Variants in MCTP2 observed in about 807,000 individuals in gnomAD.
MCTP2 encodes the protein multiple C2 and transmembrane domain-containing protein 2.
In MCTP2, 132 loss-of-function variants were observed where a neutral mutation model predicts 111.6. That is an observed-to-expected ratio of 1.18 (90% CI 1.03 to 1.37). MCTP2 has a LOEUF of 1.37. MCTP2 is among the 40% of genes most tolerant of loss of function. The probability of loss-of-function intolerance (pLI) is 0.00; values close to 1 mark genes in which losing one functional copy is unlikely to be tolerated. For synonymous variants in MCTP2, 395 were observed against 387.7 expected, an observed-to-expected ratio of 1.02 and a Z score of -0.22; for missense variants, 1,183 against 1,067.9, an observed-to-expected ratio of 1.11 and a Z score of -1.50.
intron 1 of MCTP2, among the ~76,000 whole-genome samples, chr15:94,241,760 TAC>T (rs1317856071): frequency 3.3e-5 from 5 of 152,052 alleles, no homozygotes; most frequent in Non-Finnish European, 5.9e-5. Context: ...TAGGCACAAT[TAC>T]AGTTTCCTAA....
intron 1 of MCTP2, among the ~76,000 whole-genome samples, chr15:94,297,420 G>A (rs938834248): frequency 6.6e-6 from 1 of 152,048 alleles, no homozygotes; most frequent in Non-Finnish European, 1.5e-5. Flanking sequence ...GCTTCATTAT[G>A]GGAATTTTGT....
At chr15:94,463,883 G>A (rs557118480) in intron 20 of MCTP2, among the ~76,000 whole-genome samples, 82 of 151,844 alleles carry the variant, frequency 5.4e-4, no homozygotes, top group Non-Finnish European at 1.0e-3. Flanking sequence ...TATTTTGATT[G>A]GTTTTCAAAT....
At chr15:94,478,641 T>G (rs548745065) in intron 22 of MCTP2, among the ~76,000 whole-genome samples, 2 of 152,210 alleles carry the variant, frequency 1.3e-5, no homozygotes, top group Non-Finnish European at 2.9e-5. Context: ...AAGATAAACA[T>G]TCCCAAGAGG....
At chr15:94,262,238 T>C (rs761326070) in intron 1 of MCTP2, among the ~76,000 whole-genome samples, 14 of 152,244 alleles carry the variant, frequency 9.2e-5, no homozygotes, top group Non-Finnish European at 1.8e-4. Context: ...TAACATTTCA[T>C]GATGCCTTTT....
At chr15:94,245,055 T>C (rs527445388) in intron 1 of MCTP2, among the ~76,000 whole-genome samples, 3 of 150,024 alleles carry the variant, frequency 2.0e-5, no homozygotes, top group African/African-American at 7.3e-5. Context: ...TGTATACACA[T>C]ACATATGTAC....
intron 10 of MCTP2, among the ~76,000 whole-genome samples, chr15:94,363,408 C>T (rs149235474): frequency 2.0e-5 from 3 of 152,164 alleles, no homozygotes; most frequent in Non-Finnish European, 1.5e-5. Flanking sequence ...CCTTGAAGAA[C>T]AGCGGTCTAA....
At position 94,482,444 on chromosome 15, in the gene MCTP2, G is replaced by A. The variant is rs2074773765; in HGVS notation, c.*3410G>A. The A allele has an allele frequency of 6.6e-6, 1 of 152,190 alleles. No homozygotes were observed. The highest frequency in any genetic ancestry group is 6.5e-5 in the Admixed American group (1 of 15,276). 9.4% of individuals were successfully genotyped at this position (152,190 alleles called of 1,614,324 possible). ...ATGGGATGAGGGAGCGTAGAGTCAA[G>A]GATGGCTCTCAGTCCCTAGGTCTCC... On this transcript the variant is annotated 3_prime_UTR_variant, in exon 23 of 23. Transcript: ENST00000357742.
intron 14 of MCTP2, among the ~76,000 whole-genome samples, chr15:94,389,609 T>G (rs1051937820): frequency 7.2e-5 from 11 of 152,164 alleles, no homozygotes; most frequent in Admixed American, 3.9e-4. Context: ...TTTTTTTGTT[T>G]TGTTTTGTTT....
At chr15:94,426,131 A>AGG (rs2082877300) in intron 17 of MCTP2, among the ~76,000 whole-genome samples, 1 of 121,330 alleles carries the variant, frequency 8.2e-6, no homozygotes, top group South Asian at 2.8e-4. Flanking sequence ...AGAGAGAGAG[A>AGG]GAGAGAGATT....
intron 8 of MCTP2, among the ~76,000 whole-genome samples, chr15:94,346,323 G>C (rs1336881473): frequency 6.6e-6 from 1 of 152,110 alleles, no homozygotes; most frequent in Non-Finnish European, 1.5e-5. Context: ...GTTACCGTAT[G>C]AGTTCACTTG....
intron 12 of MCTP2, among the ~76,000 whole-genome samples, chr15:94,382,722 C>T (rs1338776124): frequency 6.6e-6 from 1 of 152,266 alleles, no homozygotes; most frequent in South Asian, 2.1e-4. Context: ...CTGGCTTAGG[C>T]CCTGGCCTGG....
intron 4 of MCTP2, among the ~76,000 whole-genome samples, chr15:94,334,774 C>G (rs961559652): frequency 5.9e-5 from 9 of 152,074 alleles, no homozygotes; most frequent in Non-Finnish European, 1.2e-4. Context: ...TCTCAAACTC[C>G]TGGCCTCAAG....
At chr15:94,316,344 G>A (rs2076377319) in intron 4 of MCTP2, among the ~76,000 whole-genome samples, 1 of 152,096 alleles carries the variant, frequency 6.6e-6, no homozygotes, top group South Asian at 2.1e-4. Context: ...ATGCTGTAAT[G>A]AACATATTGT....
At chr15:94,266,411 T>C (rs972401358) in intron 1 of MCTP2, among the ~76,000 whole-genome samples, 1 of 152,254 alleles carries the variant, frequency 6.6e-6, no homozygotes, top group Admixed American at 6.5e-5. Flanking sequence ...CAGTCTGTTT[T>C]GTTCACTGTT....
intron 17 of MCTP2, among the ~76,000 whole-genome samples, chr15:94,424,242 A>C (rs1271839838): frequency 6.6e-6 from 1 of 152,214 alleles, no homozygotes. Flanking sequence ...CTGTATGAGT[A>C]AATTATTTAT....
chr15:94,386,620 T>G (rs928503754), intron 14 of MCTP2, among the ~76,000 whole-genome samples: 2 of 152,132 alleles, frequency 1.3e-5, no homozygotes, highest in Non-Finnish European at 2.9e-5. Context: ...AGAGAGGAGA[T>G]GGCAATTTGG....
At chr15:94,324,353 C>G (rs1463467481) in intron 4 of MCTP2, among the ~76,000 whole-genome samples, 1 of 152,194 alleles carries the variant, frequency 6.6e-6, no homozygotes, top group African/African-American at 2.4e-5. Flanking sequence ...TAATGTTAGG[C>G]CGCTGTAGTA....
intron 1 of MCTP2, among the ~76,000 whole-genome samples, chr15:94,294,912 T>A (rs889821612): frequency 1.3e-5 from 2 of 150,610 alleles, no homozygotes; most frequent in African/African-American, 4.9e-5. Context: ...ATTTTGAAAC[T>A]TTTTTCTCTT....
chr15:94,401,838 A>G, intron 16 of MCTP2, 62 bp from the exon 17 acceptor site: 1 of 1,349,588 alleles, frequency 7.4e-7, no homozygotes. Context: ...AGGGTACCTG[A>G]TCTAGATGGA....
Sources: gnomAD v4.1 joint callset for allele counts (sites outside exome capture counted in the v4.1 genomes callset) on GRCh38, gnomAD v4.1.1 for gene constraint, MANE v1.5 for transcripts, NCBI Gene and HGNC (gene_info 2026-07-23, HGNC 2026-07-21) for gene names.